Variants in DUSP8 observed in about 807,000 individuals in gnomAD.
The protein encoded by DUSP8 is dual specificity phosphatase 8.
A neutral mutation model predicts 38.7 loss-of-function variants in DUSP8; 15 were observed. The ratio of observed to expected loss-of-function variants is 0.39; its 90% CI spans 0.26 to 0.60. The LOEUF (loss-of-function observed/expected upper bound fraction) is 0.60. Ranked by LOEUF, DUSP8 falls within the 20% of genes least tolerant of loss-of-function variation. The pLI is 0.56. For missense variants in DUSP8, 768 were observed against 915.0 expected (o/e 0.84, Z 2.07); for synonymous variants, 458 against 433.9 (o/e 1.06, Z -0.69).
At chr11:1,565,488 G>A (rs895669678) in intron 2 of DUSP8, 108 bp downstream of exon 2, 8 of 873,248 alleles carry the variant, frequency 9.2e-6, no homozygotes, top group Admixed American at 6.8e-5. Context: ...ACCCCAAGGA[G>A]TCGAGTTTGG....
At chr11:1,564,394 C>T (rs754572776) in intron 2 of DUSP8, among the ~76,000 whole-genome samples, 4 of 152,208 alleles carry the variant, frequency 2.6e-5, no homozygotes, top group Non-Finnish European at 4.4e-5. Context: ...GGCCCTGAAA[C>T]GCATGCCTTC....
At chr11:1,567,633 T>C (rs1424177232) in intron 1 of DUSP8, among the ~76,000 whole-genome samples, 2 of 152,222 alleles carry the variant, frequency 1.3e-5, no homozygotes, top group Admixed American at 6.5e-5. Flanking sequence ...ATCCCTCCTG[T>C]TGCCAGAGGC....
chr11:1,555,246 G>A lies in DUSP8; in HGVS notation c.*1272C>T, dbSNP rs1848603881. ...TGGGGGCTGGCATGCCACCTAGAGA[G>A]AGAGCACCCTGGGAAAGGGGTGAAT... On this transcript the variant is annotated 3_prime_UTR_variant, in exon 7 of 7. Transcript: ENST00000397374. 1 of 987,904 alleles carries A rather than the reference G, an allele frequency of 1.0e-6. No individual in the cohort carries two copies. Among genetic ancestry groups the A allele is most frequent in the Non-Finnish European group, 1.2e-6 (1 of 830,194 alleles). 61.2% of individuals were successfully genotyped at this position (987,904 alleles called of 1,614,324 possible). A position where few individuals can be genotyped will look rare whatever the true frequency, so the allele number is the denominator to read the frequency against.
chr11:1,555,078 G>C lies in DUSP8; in HGVS notation c.*1440C>G. On this transcript the variant is annotated 3_prime_UTR_variant, in exon 7 of 7. Transcript: ENST00000397374. ...GGTCCTGCCCTGGGCTGCCTCTCCG[G>C]CCAAGCCCCTGGCCTCTTCCCACAG... is the stretch of plus-strand genomic sequence containing the variant. 1 of 986,728 alleles carries C rather than the reference G, an allele frequency of 1.0e-6. No individual in the cohort carries two copies. Among genetic ancestry groups the C allele is most frequent in the Non-Finnish European group, 1.2e-6 (1 of 830,110 alleles). 61.1% of individuals were successfully genotyped at this position (986,728 alleles called of 1,614,324 possible).
At chr11:1,570,531 G>A (rs1365035449) in intron 1 of DUSP8, among the ~76,000 whole-genome samples, 1 of 152,186 alleles carries the variant, frequency 6.6e-6, no homozygotes, top group Non-Finnish European at 1.5e-5. Flanking sequence ...CTGGAGCAGA[G>A]ACTGACTCTA....
chr11:1,567,654 CCTGA>C (rs1343420233), intron 1 of DUSP8, among the ~76,000 whole-genome samples: 2 of 152,254 alleles, frequency 1.3e-5, no homozygotes, highest in Non-Finnish European at 2.9e-5. Flanking sequence ...CAGGGAAACA[CCTGA>C]CTGTGGATGG....
intron 3 of DUSP8, 37 bp from the exon 4 acceptor site, chr11:1,559,092 ACCTAGGGCTCCCTGTCCG>A: frequency 1.3e-6 from 2 of 1,592,196 alleles, no homozygotes; most frequent in Non-Finnish European, 1.7e-6. Context: ...TTGAGAGAAC[ACCTAGGGCTCCCTGTCCG>A]CCTAGGGTGC....
chr11:1,568,071 C>T (rs967580102), intron 1 of DUSP8, among the ~76,000 whole-genome samples: 15 of 152,230 alleles, frequency 9.9e-5, no homozygotes, highest in African/African-American at 3.4e-4. Flanking sequence ...CCCGAGAAGG[C>T]TGCAGTGGCA....
chr11:1,565,069 AT>A (rs1211471345), intron 2 of DUSP8, among the ~76,000 whole-genome samples: 14 of 152,252 alleles, frequency 9.2e-5, no homozygotes, highest in African/African-American at 3.4e-4. Flanking sequence ...CACAGAGAGA[AT>A]TCTGGGTCCC....
chr11:1,561,021 T>C (rs1450276451), intron 3 of DUSP8, among the ~76,000 whole-genome samples: 1 of 152,064 alleles, frequency 6.6e-6, no homozygotes, highest in Non-Finnish European at 1.5e-5. Flanking sequence ...GAGCAGGTAG[T>C]GTGGATGTCC....
chr11:1,565,393 G>C (rs1324166695), intron 2 of DUSP8, among the ~76,000 whole-genome samples: 1 of 152,218 alleles, frequency 6.6e-6, no homozygotes, highest in East Asian at 1.9e-4. Flanking sequence ...GCGGGCGGGG[G>C]TGCGGGGGAT....
In DUSP8 at chr11:1,557,636, C is replaced by T; in HGVS notation, c.822-62G>A. The T allele has an allele frequency of 2.0e-6, 3 of 1,509,230 alleles. No individual in the cohort carries two copies. Among genetic ancestry groups the T allele is most frequent in the Non-Finnish European group, 2.7e-6 (3 of 1,131,466 alleles). The allele number at this position is 1,509,230 out of a possible 1,614,324, so 93.5% of individuals were successfully genotyped here. ...GGGCCAGGCTGCCCACCTGACGCACCCGCTGGGCACCCACGAGCTCATGTG... is the reference window on the plus strand; with the variant it reads ...GGGCCAGGCTGCCCACCTGACGCACTCGCTGGGCACCCACGAGCTCATGTG... On this transcript the variant is annotated intron_variant, in intron 6 of 6. Transcript: ENST00000397374. The surrounding 1 kb of genome is among the most constrained non-coding windows in gnomAD (Gnocchi z 9.9).
Position 1,565,698 on chromosome 11 carries a change from C to T in DUSP8, c.129G>A (p.Val43=). Residue 43 remains valine, a synonymous_variant, in exon 2 of 7, where the codon GTG becomes GTA. Coordinates refer to ENST00000397374, the MANE Select transcript of DUSP8 (RefSeq NM_004420.3). ...AGCAGCAGATGTTGACGGAGCTGAGCACATGCCAGCTGTTGTACTCCACGA... is the reference window on the plus strand; with the variant it reads ...AGCAGCAGATGTTGACGGAGCTGAGTACATGCCAGCTGTTGTACTCCACGA... ...RSFVEYNSWH[V]LSSVNICCSK... is the part of the protein sequence containing the mutation. The T allele has an allele frequency of 6.2e-7, 1 of 1,611,958 alleles. No homozygotes were observed. Among genetic ancestry groups the T allele is most frequent in the Non-Finnish European group, 8.5e-7 (1 of 1,179,712 alleles).
chr11:1,556,633 C>A lies in DUSP8; in HGVS notation c.1763G>T (p.Cys588Phe), dbSNP rs1307565602. 6 of 1,427,366 alleles carry A rather than the reference C, an allele frequency of 4.2e-6. No individual in the cohort carries two copies. Among genetic ancestry groups the A allele is most frequent in the East Asian group, 3.0e-5 (1 of 33,230 alleles). 88.4% of individuals were successfully genotyped at this position (1,427,366 alleles called of 1,614,324 possible). The change falls in exon 7 of 7, where the codon TGC becomes TTC. Residue 588 changes from cysteine to phenylalanine, a missense_variant. By Grantham distance (205) the Cys-to-Phe change is radical (BLOSUM62 -2). Around this residue, in one of 3 missense-constraint regions of DUSP8, gnomAD observed 42 missense variants for 73.7 expected, o/e 0.57. Transcript: ENST00000397374. This position sits in a 1 kb window ranked among gnomAD's most constrained non-coding sequence, Gnocchi z 5.2. ...APETQFKRRS[C>F]QMEFEEGMVE... ...CATGCCCTCCTCGAACTCCATCTGG[C>A]AGCTGCGGCGCTTGAACTGCGTCTC...
chr11:1,555,113 C>G lies in DUSP8; in HGVS notation c.*1405G>C. 11 of 987,566 alleles carry G rather than the reference C, an allele frequency of 1.1e-5. No individual in the cohort carries two copies. Among genetic ancestry groups the G allele is most frequent in the Non-Finnish European group, 1.3e-5 (11 of 830,264 alleles). The allele number at this position is 987,566 out of a possible 1,614,324, so 61.2% of individuals were successfully genotyped here. ...TGGCCTCTTCCCACAGTGACTGGCCCCACTCCTAGACCCTAGGACATCTGA... is the reference window on the plus strand; with the variant it reads ...TGGCCTCTTCCCACAGTGACTGGCCGCACTCCTAGACCCTAGGACATCTGA... On this transcript the variant is annotated 3_prime_UTR_variant, in exon 7 of 7. Coordinates refer to ENST00000397374, the MANE Select transcript of DUSP8 (RefSeq NM_004420.3).
chr11:1,554,719 A>G lies in DUSP8; in HGVS notation c.*1799T>C. 1.6e-6 allele frequency: 1 copy of G among 631,334 alleles called. No individual in the cohort carries two copies. The highest frequency in any genetic ancestry group is 2.0e-6 in the Non-Finnish European group (1 of 504,384). The allele number at this position is 631,334 out of a possible 1,614,324, so 39.1% of individuals were successfully genotyped here. ...CAGGGGTGGGGGGCGAGAAGCGGGA[A>G]GCCAGTGCATCCTCCTCACCCAGGG... On this transcript the variant is annotated 3_prime_UTR_variant, in exon 7 of 7. Coordinates refer to ENST00000397374, the MANE Select transcript of DUSP8 (RefSeq NM_004420.3).
At chr11:1,559,135 G>A (rs1305745323) in intron 3 of DUSP8, 80 bp from the exon 4 acceptor site, 1 of 1,395,522 alleles carries the variant, frequency 7.2e-7, no homozygotes, top group Non-Finnish European at 9.7e-7. Flanking sequence ...TCCGCCTAGG[G>A]CACCCCATCT....
chr11:1,570,645 C>A (rs567638463), intron 1 of DUSP8, among the ~76,000 whole-genome samples: 1 of 152,318 alleles, frequency 6.6e-6, no homozygotes, highest in Admixed American at 6.5e-5. Flanking sequence ...CTCGTGCAGC[C>A]CCCGGCTGGC....
At position 1,555,061 on chromosome 11, in the gene DUSP8, C is replaced by A; in HGVS notation, c.*1457G>T. ...TCCAGGACTCAGGACTGGGTCCTGC[C>A]CTGGGCTGCCTCTCCGGCCAAGCCC... is the stretch of plus-strand genomic sequence containing the variant. On this transcript the variant is annotated 3_prime_UTR_variant, in exon 7 of 7. Transcript: ENST00000397374. 1 of 986,534 alleles carries A rather than the reference C, an allele frequency of 1.0e-6. No individual in the cohort carries two copies. 61.1% of individuals were successfully genotyped at this position (986,534 alleles called of 1,614,324 possible).
Sources: gnomAD v4.1 joint callset for allele counts (sites outside exome capture counted in the v4.1 genomes callset) on GRCh38, gnomAD v4.1.1 for gene constraint, gnomAD v4.1.1 regional missense constraint, Gnocchi (gnomAD v3.1) non-coding constraint, MANE v1.5 for transcripts, NCBI Gene and HGNC (gene_info 2026-07-23, HGNC 2026-07-21) for gene names.